The following RPH3AL variants were observed in gnomAD, a reference collection of about 807,000 sequenced individuals.
The protein encoded by RPH3AL is rabphilin 3A like (without C2 domains).
A neutral mutation model predicts 43.1 loss-of-function variants in RPH3AL; 38 were observed. The observed-to-expected ratio is 0.88, with a 90% CI of 0.68 to 1.15. The LOEUF is 1.15. Ranked by LOEUF, RPH3AL falls within the 50% of genes most tolerant of loss-of-function variation. RPH3AL has a pLI of 0.00. For synonymous variants in RPH3AL, 189 were observed against 176.3 expected, an observed-to-expected ratio of 1.07 and a Z score of -0.57; for missense variants, 462 against 423.2, an observed-to-expected ratio of 1.09 and a Z score of -0.81.
At position 243,108 on chromosome 17, in the gene RPH3AL, A is replaced by AC. The variant is rs200466149; in HGVS notation, c.613+4002dup. On this transcript the variant is annotated intron_variant, in intron 7 of 9. Transcript: ENST00000331302. Reference sequence around the variant, plus strand: ...ATTGATTACCTTTCCTCTACTGATTACCTTCCTCTACTGATTGCCCCTCCT... The same window carrying AC: ...ATTGATTACCTTTCCTCTACTGATTACCCTTCCTCTACTGATTGCCCCTCCT... Among the ~76,000 whole-genome samples the AC allele has an allele frequency of 9.9e-5, 13 of 131,968 alleles. 2 individuals carry two copies. Among genetic ancestry groups the AC allele is most frequent in the Admixed American group, 2.3e-4 (3 of 13,194 alleles). The allele number at this position is 131,968 out of a possible 152,430, so 86.6% of individuals were successfully genotyped here. A position where few individuals can be genotyped will look rare whatever the true frequency, so the allele number is the denominator to read the frequency against.
intron 6 of RPH3AL, among the ~76,000 whole-genome samples, chr17:253,021 A>G (rs1303860300): frequency 1.3e-5 from 2 of 152,172 alleles, no homozygotes; most frequent in African/African-American, 4.8e-5. Flanking sequence ...AGGAGGCTAC[A>G]GTAAGTGTTT....
intron 6 of RPH3AL, among the ~76,000 whole-genome samples, chr17:249,854 C>G (rs2041846684): frequency 6.7e-6 from 1 of 150,338 alleles, no homozygotes; most frequent in African/African-American, 2.5e-5. Context: ...TTACCAAGCT[C>G]CGTCGCTGCA....
intron 3 of RPH3AL, 112 bp downstream of exon 3, chr17:327,355 C>T: frequency 1.1e-6 from 1 of 946,486 alleles, no homozygotes; most frequent in Non-Finnish European, 1.7e-6. Context: ...CCGACAGGCA[C>T]CTCTCTCCAA....
intron 5 of RPH3AL, among the ~76,000 whole-genome samples, chr17:316,590 G>T (rs1386160189): frequency 1.5e-5 from 2 of 137,112 alleles, no homozygotes; most frequent in Non-Finnish European, 3.0e-5. Flanking sequence ...TTGACCTGTA[G>T]TCCCTGTGCT....
At position 328,250 on chromosome 17, in the gene RPH3AL, C is replaced by T. The variant is rs1167534495; in HGVS notation, c.-36-671G>A. The stretch of plus-strand genomic sequence containing the variant: ...CCTGAGGGCTTCACCTGTGCACTGT[C>T]TAGTGTGCCGGCTTTCTCCCTGCCT... On this transcript the variant is annotated intron_variant, in intron 2 of 9. Coordinates refer to ENST00000331302, the MANE Select transcript of RPH3AL (RefSeq NM_006987.4). This position sits in a 1 kb window ranked among gnomAD's most constrained non-coding sequence, Gnocchi z 4.2. Among the ~76,000 whole-genome samples, 3 of 151,660 alleles carry T rather than the reference C, an allele frequency of 2.0e-5. No homozygotes were observed. The highest frequency in any genetic ancestry group is 6.6e-5 in the Admixed American group (1 of 15,170).
rs192658361 is a variant in RPH3AL, at chr17:264,193, C to T, written c.439-16908G>A. Among the ~76,000 whole-genome samples, 3 of 152,294 alleles carry T rather than the reference C, an allele frequency of 2.0e-5. No homozygotes were observed. Among genetic ancestry groups the T allele is most frequent in the East Asian group, 1.9e-4 (1 of 5,178 alleles). On this transcript the variant is annotated intron_variant, in intron 6 of 9. Transcript: ENST00000331302. The surrounding 1 kb of genome is among the most constrained non-coding windows in gnomAD (Gnocchi z 4.8). Reference sequence around the variant, plus strand: ...ACTTGTTTCTAGCATTGTTTTCTGCCGGAAATGCCATCTGTCACTCAAACC... The same window carrying T: ...ACTTGTTTCTAGCATTGTTTTCTGCTGGAAATGCCATCTGTCACTCAAACC...
intron 6 of RPH3AL, among the ~76,000 whole-genome samples, chr17:248,397 G>T (rs4357997): frequency 0.45 from 68,735 of 151,932 alleles, 16,071 homozygotes; most frequent in Non-Finnish European, 0.47. Context: ...AGCCCCTCTT[G>T]ACCCTATGTA....
chr17:316,719 C>CA (rs2044228169), intron 5 of RPH3AL, among the ~76,000 whole-genome samples: 4 of 148,474 alleles, frequency 2.7e-5, no homozygotes, highest in East Asian at 2.0e-4. Context: ...AGTCTCTGTG[C>CA]CCCACCTCCA....
chr17:292,990 G>C (rs1482508881), intron 5 of RPH3AL, among the ~76,000 whole-genome samples: 1 of 152,196 alleles, frequency 6.6e-6, no homozygotes, highest in Admixed American at 6.5e-5. Context: ...AGTCTCCCTG[G>C]ACTTCCCACC....
intron 6 of RPH3AL, among the ~76,000 whole-genome samples, chr17:259,743 G>A (rs543957080): frequency 1.3e-5 from 2 of 152,358 alleles, no homozygotes; most frequent in East Asian, 1.9e-4. Context: ...AGCAGTAAAC[G>A]CTCCTGGTAC....
At chr17:272,797 C>A (rs953920305) in intron 6 of RPH3AL, among the ~76,000 whole-genome samples, 6 of 144,674 alleles carry the variant, frequency 4.1e-5, no homozygotes, top group Admixed American at 1.4e-4. Flanking sequence ...CACCAAAAAA[C>A]CATGTAAGAC....
intron 7 of RPH3AL, among the ~76,000 whole-genome samples, chr17:236,067 G>A (rs2041387820): frequency 6.6e-6 from 1 of 152,232 alleles, no homozygotes; most frequent in Non-Finnish European, 1.5e-5. Context: ...TTCAAAGCTG[G>A]GGTCGGCCAC....
chr17:262,895 G>C (rs2042234426), intron 6 of RPH3AL, among the ~76,000 whole-genome samples: 1 of 152,156 alleles, frequency 6.6e-6, no homozygotes, highest in African/African-American at 2.4e-5. Flanking sequence ...CCCAGTAAAG[G>C]CTGTGGATGT....
In RPH3AL at chr17:303,061, C is replaced by T. The variant is rs577747975; in HGVS notation, c.351+16359G>A. 1.2e-4 allele frequency among the ~76,000 whole-genome samples: 19 copies of T among 152,278 alleles called. No homozygotes were observed. The South Asian group carries it at 2.9e-3, about 23-fold the overall frequency. ...AAACTTGGCAGTTCTCTATAAGGTTCGAGGTGGAGATAAAGTCTGAGGTTT... is the reference window on the plus strand; with the variant it reads ...AAACTTGGCAGTTCTCTATAAGGTTTGAGGTGGAGATAAAGTCTGAGGTTT... On this transcript the variant is annotated intron_variant, in intron 5 of 9. Coordinates refer to ENST00000331302, the MANE Select transcript of RPH3AL (RefSeq NM_006987.4).
In RPH3AL at chr17:274,959, G is replaced by A. The variant is rs1192533398; in HGVS notation, c.438+6809C>T. ...TGGAGGACTGCCGGGAAACCAGAGT[G>A]GAGAACAGAATCGAAACTTACACCG... On this transcript the variant is annotated intron_variant, in intron 6 of 9. Transcript: ENST00000331302. The surrounding 1 kb of genome is among the most constrained non-coding windows in gnomAD (Gnocchi z 4.7). Among the ~76,000 whole-genome samples the A allele has an allele frequency of 6.6e-6, 1 of 152,196 alleles. No homozygotes were observed. Among genetic ancestry groups the A allele is most frequent in the Non-Finnish European group, 1.5e-5 (1 of 68,046 alleles).
chr17:321,651 G>C, intron 3 of RPH3AL: 1 of 468,930 alleles, frequency 2.1e-6, no homozygotes, highest in Non-Finnish European at 3.8e-6. Flanking sequence ...GCCGGGGTTG[G>C]GATTGCGGGC....
chr17:277,044 T>A (rs9915649), intron 6 of RPH3AL, among the ~76,000 whole-genome samples: 8,259 of 152,262 alleles, frequency 0.054, 263 homozygotes, highest in Middle Eastern at 0.12. Flanking sequence ...CTCAAGAGTC[T>A]ACAAGAAAAT....
chr17:281,664 GCCCGCCCA>G, intron 6 of RPH3AL, 96 bp downstream of exon 6: 16 of 574,644 alleles, frequency 2.8e-5, no homozygotes, highest in African/African-American at 5.4e-5. Flanking sequence ...AGCGTATCCA[GCCCGCCCA>G]GCCCTCCCCA....
intron 3 of RPH3AL, among the ~76,000 whole-genome samples, chr17:325,273 C>T (rs1055890997): frequency 1.3e-5 from 2 of 152,202 alleles, no homozygotes; most frequent in East Asian, 1.9e-4. Context: ...CCTGGGTATA[C>T]GTCCTTCATT....
Sources: allele counts gnomAD v4.1 joint callset (sites outside exome capture counted in the v4.1 genomes callset), GRCh38; gene constraint gnomAD v4.1.1; non-coding constraint Gnocchi (gnomAD v3.1); transcripts MANE v1.5; gene names NCBI Gene and HGNC (gene_info 2026-07-23, HGNC 2026-07-21).